Variants in ROBO2 observed in about 807,000 individuals in gnomAD.
The protein encoded by ROBO2 is roundabout guidance receptor 2.
A neutral mutation model predicts 160.8 loss-of-function variants in ROBO2; 53 were observed. The ratio of observed to expected loss-of-function variants is 0.33; its 90% confidence interval spans 0.26 to 0.41. The LOEUF is 0.41. Among genes scored for constraint, ROBO2 ranks in the 10% least tolerant of loss-of-function variants. The probability of loss-of-function intolerance (pLI) is 1.00; values close to 1 mark genes in which losing one functional copy is unlikely to be tolerated. For missense variants in ROBO2, 1,577 were observed against 1,722.4 expected (o/e 0.92, Z 1.49); for synonymous variants, 664 against 611.7 (o/e 1.09, Z -1.26).
At chr3:77,001,796 A>AT (rs2061347219) in intron 2 of ROBO2, among the ~76,000 whole-genome samples, 1 of 146,570 alleles carries the variant, frequency 6.8e-6, no homozygotes, top group South Asian at 2.1e-4. Context: ...TTGTTCTTTT[A>AT]TTTTTGCTCC....
chr3:76,366,411 C>G (rs1380431291), intron 2 of ROBO2, among the ~76,000 whole-genome samples: 1 of 151,944 alleles, frequency 6.6e-6, no homozygotes, highest in Non-Finnish European at 1.5e-5. Flanking sequence ...GACTCTGTCT[C>G]TGATACATAT....
intron 2 of ROBO2, among the ~76,000 whole-genome samples, chr3:76,672,809 G>A (rs1183765160): frequency 1.3e-5 from 2 of 152,160 alleles, no homozygotes; most frequent in Middle Eastern, 3.2e-3. Flanking sequence ...ATTGTTTAAA[G>A]CCAGCTACTT....
intron 2 of ROBO2, among the ~76,000 whole-genome samples, chr3:77,398,813 T>C (rs2075536245): frequency 6.6e-6 from 1 of 152,000 alleles, no homozygotes; most frequent in African/African-American, 2.4e-5. Context: ...GTTGAACTCT[T>C]GAGCCAAAAT....
chr3:77,516,529 A>G (rs2090036478), intron 5 of ROBO2, among the ~76,000 whole-genome samples: 1 of 151,636 alleles, frequency 6.6e-6, no homozygotes, highest in Non-Finnish European at 1.5e-5. Flanking sequence ...TGTTTTATAC[A>G]TTCTGCTAAA....
At chr3:77,353,543 C>T (rs1189572921) in intron 2 of ROBO2, among the ~76,000 whole-genome samples, 1 of 152,120 alleles carries the variant, frequency 6.6e-6, no homozygotes, top group African/African-American at 2.4e-5. Flanking sequence ...TGGAGTCTCT[C>T]TCTGTTGCCC....
intron 2 of ROBO2, among the ~76,000 whole-genome samples, chr3:76,806,032 C>T (rs2064679355): frequency 6.6e-6 from 1 of 151,828 alleles, no homozygotes; most frequent in Non-Finnish European, 1.5e-5. Flanking sequence ...TCTGCTTTCC[C>T]TATATCTGGG....
chr3:77,332,888 CAG>C (rs1394319326), intron 2 of ROBO2, among the ~76,000 whole-genome samples: 2 of 152,180 alleles, frequency 1.3e-5, no homozygotes, highest in African/African-American at 4.8e-5. Context: ...AGGTTAAAAA[CAG>C]AGAGCGCTAG....
chr3:77,245,348 G>T (rs1580336295), intron 2 of ROBO2, among the ~76,000 whole-genome samples: 1 of 152,262 alleles, frequency 6.6e-6, no homozygotes, highest in African/African-American at 2.4e-5. Context: ...GCCTTGTGCT[G>T]GTTAACGGGT....
In ROBO2 at chr3:77,198,889, C is replaced by T. The variant is rs79725043; in HGVS notation, c.388+100549C>T. Among the ~76,000 whole-genome samples, 777 of 150,926 alleles carry T rather than the reference C, an allele frequency of 5.1e-3. 44 individuals carry two copies. In the East Asian group the frequency reaches 0.13, roughly 25 times the overall value. ...TTGCACTCCAGCCTGGGCAACAGGG[C>T]GAGACTCTGTCCTAAAAAAAAAGAA... On this transcript the variant is annotated intron_variant, in intron 2 of 25. Transcript: ENST00000461745.
intron 2 of ROBO2, among the ~76,000 whole-genome samples, chr3:77,295,553 A>C (rs1352307741): frequency 7.0e-6 from 1 of 142,164 alleles, no homozygotes; most frequent in African/African-American, 2.6e-5. Context: ...AGATCACCAA[A>C]GTCATAAAGT....
chr3:76,141,139 C>A (rs1181593004), intron 2 of ROBO2, among the ~76,000 whole-genome samples: 8 of 60,696 alleles, frequency 1.3e-4, no homozygotes, highest in African/African-American at 5.6e-4. Flanking sequence ...CTCTCTCTCT[C>A]TCTCTCTCTC....
At chr3:77,448,722 G>A (rs2080827940) in intron 2 of ROBO2, among the ~76,000 whole-genome samples, 1 of 151,558 alleles carries the variant, frequency 6.6e-6, no homozygotes, top group Non-Finnish European at 1.5e-5. Context: ...CAGCTTCTCG[G>A]GGGAACTGGG....
At chr3:77,063,869 C>G (rs536410246) in intron 1 of ROBO2, among the ~76,000 whole-genome samples, 1 of 152,272 alleles carries the variant, frequency 6.6e-6, no homozygotes, top group African/African-American at 2.4e-5. Flanking sequence ...TTATCATCTC[C>G]TGAACATATA....
intron 2 of ROBO2, among the ~76,000 whole-genome samples, chr3:76,133,270 C>T (rs773956049): frequency 1.3e-5 from 2 of 151,830 alleles, no homozygotes; most frequent in Non-Finnish European, 2.9e-5. Context: ...GGTAAGATTT[C>T]GTTTGTTTGG....
intron 2 of ROBO2, among the ~76,000 whole-genome samples, chr3:76,779,058 C>T (rs934453149): frequency 4.0e-5 from 6 of 151,024 alleles, no homozygotes; most frequent in Non-Finnish European, 7.4e-5. Flanking sequence ...ATAATCTCTA[C>T]CTCTCATCCA....
At position 77,348,245 on chromosome 3, in the gene ROBO2, G is replaced by A. The variant is rs77591111; in HGVS notation, c.389-129169G>A. The stretch of plus-strand genomic sequence containing the variant: ...TACTCCACAGACAGGGCAGCCCCAA[G>A]GTCAGCTGGTTGCCCATTTTTATGG... On this transcript the variant is annotated intron_variant, in intron 2 of 25. Coordinates refer to ENST00000461745, the Ensembl canonical transcript of ROBO2. Among the ~76,000 whole-genome samples, 1,418 of 152,210 alleles carry A rather than the reference G, an allele frequency of 9.3e-3. 8 individuals carry two copies. The highest frequency in any genetic ancestry group is 0.015 in the Non-Finnish European group (1,044 of 68,008).
At chr3:77,008,917 A>G (rs1297956700) in intron 2 of ROBO2, among the ~76,000 whole-genome samples, 2 of 152,186 alleles carry the variant, frequency 1.3e-5, no homozygotes, top group African/African-American at 4.8e-5. Context: ...CAGAAGCTCA[A>G]TAACAATTTG....
chr3:76,225,798 A>G (rs1474229324), intron 2 of ROBO2, among the ~76,000 whole-genome samples: 1 of 152,176 alleles, frequency 6.6e-6, no homozygotes. Flanking sequence ...ATGAATTCAG[A>G]CTTATTTTTA....
At chr3:77,078,339 C>T (rs1035300913) in intron 1 of ROBO2, among the ~76,000 whole-genome samples, 10 of 152,184 alleles carry the variant, frequency 6.6e-5, no homozygotes, top group African/African-American at 2.2e-4. Context: ...GTCCCAAACA[C>T]CTGTCTAAGT....
Sources: gnomAD v4.1 joint callset for allele counts (sites outside exome capture counted in the v4.1 genomes callset) on GRCh38, gnomAD v4.1.1 for gene constraint, MANE v1.5 for transcripts, NCBI Gene and HGNC (gene_info 2026-07-23, HGNC 2026-07-21) for gene names.